Variants in LEKR1 observed in about 807,000 individuals in gnomAD.
The protein encoded by LEKR1 is protein LEKR1.
Under a neutral mutation model 72.4 loss-of-function variants are expected in LEKR1, and 59 were observed. The observed-to-expected ratio is 0.82, with a 90% CI of 0.66 to 1.01. The LOEUF (loss-of-function observed/expected upper bound fraction) is 1.01. LEKR1 is among the 50% of genes least tolerant of loss of function. LEKR1 has a pLI of 0.00. For synonymous variants in LEKR1, 257 were observed against 263.2 expected (o/e 0.98, Z 0.23); for missense variants, 728 against 759.2 (o/e 0.96, Z 0.48).
At chr3:157,019,297 G>A (rs1344906834) in intron 10 of LEKR1, among the ~76,000 whole-genome samples, 3 of 151,922 alleles carry the variant, frequency 2.0e-5, no homozygotes, top group Non-Finnish European at 4.4e-5. Context: ...CAAAGACCTC[G>A]CTTGGAAAAT....
intron 3 of LEKR1, among the ~76,000 whole-genome samples, chr3:156,905,684 T>G (rs766809717): frequency 2.6e-5 from 4 of 152,156 alleles, no homozygotes; most frequent in Non-Finnish European, 5.9e-5. Context: ...TACTAAATGA[T>G]TTATCTATCA....
chr3:156,949,376 A>G (rs1384047173), intron 6 of LEKR1, among the ~76,000 whole-genome samples: 2 of 151,714 alleles, frequency 1.3e-5, no homozygotes, highest in African/African-American at 2.4e-5. Context: ...AGTATTCTGC[A>G]TATGGCTAGC....
intron 5 of LEKR1, among the ~76,000 whole-genome samples, chr3:156,928,678 C>G (rs1224591569): frequency 6.6e-6 from 1 of 151,984 alleles, no homozygotes; most frequent in Non-Finnish European, 1.5e-5. Context: ...AAAGAGAGCT[C>G]AAATTTTGCA....
intron 4 of LEKR1, among the ~76,000 whole-genome samples, chr3:156,923,927 C>G (rs1201173456): frequency 6.6e-6 from 1 of 152,104 alleles, no homozygotes; most frequent in Non-Finnish European, 1.5e-5. Flanking sequence ...TGGGATTTCA[C>G]CGTGTTAGCC....
intron 3 of LEKR1, among the ~76,000 whole-genome samples, chr3:156,871,272 C>A (rs963527357): frequency 2.6e-5 from 4 of 152,094 alleles, no homozygotes; most frequent in East Asian, 1.9e-4. Context: ...CATGTCCCTA[C>A]AAAGGACATG....
At chr3:156,968,545 A>T (rs1447751706) in intron 6 of LEKR1, among the ~76,000 whole-genome samples, 1 of 152,224 alleles carries the variant, frequency 6.6e-6, no homozygotes, top group African/African-American at 2.4e-5. Context: ...ATAATGGTAA[A>T]GGGATCAATT....
chr3:156,865,462 T>C (rs887989438), intron 3 of LEKR1, among the ~76,000 whole-genome samples: 34 of 152,090 alleles, frequency 2.2e-4, no homozygotes, highest in Admixed American at 2.2e-3. Flanking sequence ...TTATCATCCA[T>C]CCTGAGCATT....
intron 9 of LEKR1, among the ~76,000 whole-genome samples, chr3:156,995,095 A>G (rs1316560960): frequency 6.6e-6 from 1 of 152,232 alleles, no homozygotes; most frequent in Non-Finnish European, 1.5e-5. Flanking sequence ...TCAACCTGGG[A>G]AATACTATTG....
chr3:156,837,067 A>C (rs1367007249), intron 2 of LEKR1, among the ~76,000 whole-genome samples: 1 of 152,240 alleles, frequency 6.6e-6, no homozygotes, highest in Non-Finnish European at 1.5e-5. Flanking sequence ...AAAGATTTCT[A>C]AAATTCCTTT....
At chr3:156,900,028 A>G (rs1436624022) in intron 3 of LEKR1, among the ~76,000 whole-genome samples, 3 of 152,162 alleles carry the variant, frequency 2.0e-5, no homozygotes, top group South Asian at 2.1e-4. Flanking sequence ...AAATCCAGCT[A>G]GCAAATTTTT....
At chr3:156,876,843 A>T (rs6774702) in intron 3 of LEKR1, among the ~76,000 whole-genome samples, 9 of 151,954 alleles carry the variant, frequency 5.9e-5, no homozygotes, top group African/African-American at 1.7e-4. Flanking sequence ...CACTGGCTAG[A>T]ACTTCTAGTA....
chr3:156,856,789 T>C (rs140171714), intron 3 of LEKR1, among the ~76,000 whole-genome samples: 4 of 152,248 alleles, frequency 2.6e-5, no homozygotes, highest in African/African-American at 9.6e-5. Flanking sequence ...AATTTTTTAA[T>C]TTTCTTGAAT....
intron 3 of LEKR1, among the ~76,000 whole-genome samples, chr3:156,875,922 G>T (rs928786029): frequency 1.4e-4 from 21 of 151,126 alleles, no homozygotes; most frequent in Non-Finnish European, 2.9e-4. Context: ...ATGAACCCGG[G>T]GGGCAGAGCC....
At chr3:157,005,994 T>C (rs1219996571) in intron 9 of LEKR1, among the ~76,000 whole-genome samples, 3 of 150,610 alleles carry the variant, frequency 2.0e-5, no homozygotes, top group Non-Finnish European at 2.9e-5. Context: ...AAGATACTAC[T>C]ATACATTTTT....
At chr3:156,973,861 G>T (rs1729460988) in intron 6 of LEKR1, among the ~76,000 whole-genome samples, 1 of 152,116 alleles carries the variant, frequency 6.6e-6, no homozygotes, top group African/African-American at 2.4e-5. Context: ...TAGAAAAATA[G>T]CTGTTTCTAA....
At chr3:156,909,279 A>G (rs1001728543) in intron 3 of LEKR1, among the ~76,000 whole-genome samples, 11 of 152,158 alleles carry the variant, frequency 7.2e-5, no homozygotes, top group African/African-American at 2.2e-4. Flanking sequence ...TTTTATATGT[A>G]GTGCTTCCAT....
rs561039357 is a variant in LEKR1, at chr3:156,936,426, AACAC to A, written c.560-6066_560-6063del. 4.0e-3 allele frequency among the ~76,000 whole-genome samples: 310 copies of A among 76,924 alleles called. 1 individual carries two copies. Among genetic ancestry groups the A allele is most frequent in the African/African-American group, 0.011 (121 of 10,746 alleles). 50.5% of individuals were successfully genotyped at this position (76,924 alleles called of 152,430 possible). A position where few individuals can be genotyped will look rare whatever the true frequency, so the allele number is the denominator to read the frequency against. ...TCAGTGTCCTCATCTGTACAATGAG[AACAC>A]ACACACACACACACACACACACACA... On this transcript the variant is annotated intron_variant, in intron 5 of 12. Coordinates refer to ENST00000356539, the MANE Select transcript of LEKR1 (RefSeq NM_001004316.3).
intron 3 of LEKR1, among the ~76,000 whole-genome samples, chr3:156,872,631 G>T (rs1188154783): frequency 6.6e-6 from 1 of 151,796 alleles, no homozygotes; most frequent in East Asian, 1.9e-4. Flanking sequence ...TAGGTTTTTG[G>T]AATGTTGTAT....
intron 2 of LEKR1, among the ~76,000 whole-genome samples, chr3:156,830,733 G>GA (rs961782149): frequency 3.3e-4 from 50 of 150,766 alleles, no homozygotes; most frequent in African/African-American, 8.5e-4. Context: ...GTCTCGGAGA[G>GA]AAAAAAAAAT....
Sources: allele counts gnomAD v4.1 joint callset (sites outside exome capture counted in the v4.1 genomes callset), GRCh38; gene constraint gnomAD v4.1.1; transcripts MANE v1.5; gene names NCBI Gene and HGNC (gene_info 2026-07-23, HGNC 2026-07-21).